Variants in PAQR5 observed in about 807,000 individuals in gnomAD.
The protein encoded by PAQR5 is membrane progestin receptor gamma.
PAQR5 carries 20 observed loss-of-function variants against 34.5 expected under a neutral mutation model. That is an observed-to-expected ratio of 0.58 (90% CI 0.41 to 0.84). The LOEUF (loss-of-function observed/expected upper bound fraction) is 0.84. Among genes scored for constraint, PAQR5 ranks in the 40% least tolerant of loss-of-function variants. The pLI, the probability that PAQR5 is intolerant of heterozygous loss-of-function variation, is 0.00. For synonymous variants in PAQR5, 131 were observed against 155.6 expected (o/e 0.84, Z 1.18); for missense variants, 378 against 412.7 (o/e 0.92, Z 0.73).
At chr15:69,306,372 T>TACCATTTAACCTTTA (rs2140523637) in intron 1 of PAQR5, among the ~76,000 whole-genome samples, 1 of 152,024 alleles carries the variant, frequency 6.6e-6, no homozygotes, top group East Asian at 1.9e-4. Flanking sequence ...CTTTAACCTT[T>TACCATTTAACCTTTA]ACCATTTAAC....
chr15:69,351,538 G>A (rs1232501758), intron 2 of PAQR5, among the ~76,000 whole-genome samples: 1 of 152,198 alleles, frequency 6.6e-6, no homozygotes, highest in Non-Finnish European at 1.5e-5. Context: ...AGCTGGCAAG[G>A]CCAACAATAC....
Position 69,337,313 on chromosome 15 carries a change from A to T in PAQR5, c.-276-28A>T, listed in dbSNP as rs187881838. 6.2e-4 allele frequency: 94 copies of T among 152,378 alleles called. 1 individual carries two copies. Among genetic ancestry groups the T allele is most frequent in the African/African-American group, 2.2e-3 (92 of 41,588 alleles). The allele number at this position is 152,378 out of a possible 1,614,324, so 9.4% of individuals were successfully genotyped here. On this transcript the variant is annotated intron_variant, in intron 1 of 8. Transcript: ENST00000395407. ...GCAGTATAGTTAATTACATAAGTGC[A>T]ATAAGAATCTGTTTTCTTTTGTCAC...
intron 5 of PAQR5, among the ~76,000 whole-genome samples, chr15:69,387,794 T>C (rs952786975): frequency 6.6e-6 from 1 of 152,118 alleles, no homozygotes; most frequent in Non-Finnish European, 1.5e-5. Context: ...CCCTTCTCTG[T>C]ATCCTCCCAT....
chr15:69,384,910 T>C, intron 5 of PAQR5, 28 bp downstream of exon 5: 1 of 1,579,334 alleles, frequency 6.3e-7, no homozygotes, highest in Non-Finnish European at 8.7e-7. Context: ...CTTGCTTTCC[T>C]TCCCCTGCAA....
rs112491664 is a variant in PAQR5 at position 69,403,889 on chromosome 15, G to A, written c.*67G>A. On this transcript the variant is annotated 3_prime_UTR_variant, in exon 9 of 9. Coordinates refer to ENST00000395407, the MANE Select transcript of PAQR5 (RefSeq NM_017705.4). ...TGCAACATCCTAACCACCATAAGCC[G>A]GAGGTGGTTACAGCTTATCATGGCC... 20 of 1,553,012 alleles carry A rather than the reference G, an allele frequency of 1.3e-5. No homozygotes were observed. The highest frequency in any genetic ancestry group is 6.8e-5 in the African/African-American group (5 of 73,308).
chr15:69,353,467 G>A (rs564636422), intron 2 of PAQR5, among the ~76,000 whole-genome samples: 1 of 152,328 alleles, frequency 6.6e-6, no homozygotes, highest in Non-Finnish European at 1.5e-5. Context: ...ATGGGCCCAT[G>A]CTCATGGAAT....
chr15:69,393,285 C>G (rs2056322011), intron 6 of PAQR5, among the ~76,000 whole-genome samples: 1 of 152,164 alleles, frequency 6.6e-6, no homozygotes, highest in South Asian at 2.1e-4. Context: ...CATTCCCTGT[C>G]TCTGCCTTTG....
intron 3 of PAQR5, chr15:69,379,474 C>A (rs1355741453): frequency 1.0e-6 from 1 of 985,382 alleles, no homozygotes; most frequent in African/African-American, 1.7e-5. Flanking sequence ...TCCCACCAGC[C>A]CCTGACATGC....
intron 2 of PAQR5, among the ~76,000 whole-genome samples, chr15:69,357,314 A>G (rs1028901639): frequency 1.1e-4 from 16 of 151,898 alleles, no homozygotes; most frequent in Non-Finnish European, 1.8e-4. Flanking sequence ...TCCAGGCTGG[A>G]GTGTAGTGGT....
intron 2 of PAQR5, among the ~76,000 whole-genome samples, chr15:69,351,677 G>A (rs1184508366): frequency 6.6e-6 from 1 of 152,194 alleles, no homozygotes; most frequent in Admixed American, 6.5e-5. Flanking sequence ...ATGGTGTTAT[G>A]CTGATTGGAC....
chr15:69,360,429 C>T (rs1039918475), intron 3 of PAQR5, among the ~76,000 whole-genome samples: 1 of 152,206 alleles, frequency 6.6e-6, no homozygotes, highest in Admixed American at 6.5e-5. Flanking sequence ...CAGCAGCTGG[C>T]TGGGTAGGAA....
intron 1 of PAQR5, among the ~76,000 whole-genome samples, chr15:69,333,408 G>A (rs1373981412): frequency 6.6e-6 from 1 of 152,154 alleles, no homozygotes; most frequent in African/African-American, 2.4e-5. Flanking sequence ...TAATAACTAG[G>A]TAGGAAATAT....
At chr15:69,318,027 C>T (rs918849363) in intron 1 of PAQR5, among the ~76,000 whole-genome samples, 1 of 152,220 alleles carries the variant, frequency 6.6e-6, no homozygotes, top group Non-Finnish European at 1.5e-5. Flanking sequence ...CTCTGAACTT[C>T]GCCGAGCCAC....
intron 3 of PAQR5, among the ~76,000 whole-genome samples, chr15:69,373,690 G>T (rs908803589): frequency 5.3e-5 from 8 of 152,224 alleles, no homozygotes; most frequent in African/African-American, 1.9e-4. Context: ...TGCAACCTCT[G>T]CCTCCCAGGT....
chr15:69,358,865 C>T (rs1364504380), intron 2 of PAQR5, among the ~76,000 whole-genome samples: 1 of 151,488 alleles, frequency 6.6e-6, no homozygotes, highest in African/African-American at 2.4e-5. Context: ...ATCGTCCCAT[C>T]TCAGTCTCCC....
chr15:69,319,168 T>TTTAA (rs1279510066), intron 1 of PAQR5, among the ~76,000 whole-genome samples: 1,746 of 136,580 alleles, frequency 0.013, 91 homozygotes, highest in African/African-American at 0.048. Context: ...CATATATATA[T>TTTAA]ATATATATAT....
chr15:69,397,448 A>C lies in PAQR5; in HGVS notation c.513-20A>C. On this transcript the variant is annotated intron_variant, in intron 6 of 8. Coordinates refer to ENST00000395407, the MANE Select transcript of PAQR5 (RefSeq NM_017705.4). Reference sequence around the variant, plus strand: ...ACTCTTTTCATTCCATTTCCTCCCCACTTTCCTTCCCTGATTTAGGTTTCT... The same window carrying C: ...ACTCTTTTCATTCCATTTCCTCCCCCCTTTCCTTCCCTGATTTAGGTTTCT... 6.5e-7 allele frequency: 1 copy of C among 1,545,872 alleles called. No homozygotes were observed. The highest frequency in any genetic ancestry group is 8.9e-7 in the Non-Finnish European group (1 of 1,117,748).
At chr15:69,389,856 C>G (rs909297783) in intron 6 of PAQR5, 76 bp downstream of exon 6, 1 of 1,532,276 alleles carries the variant, frequency 6.5e-7, no homozygotes, top group Non-Finnish European at 8.9e-7. Context: ...TTGAGGGAGC[C>G]GGGGAAGAGG....
intron 2 of PAQR5, among the ~76,000 whole-genome samples, chr15:69,346,626 T>G (rs933198229): frequency 6.6e-6 from 1 of 150,578 alleles, no homozygotes; most frequent in African/African-American, 2.4e-5. Flanking sequence ...CTGCAATTTT[T>G]TTTTTTTTTT....
Sources: allele counts gnomAD v4.1 joint callset (sites outside exome capture counted in the v4.1 genomes callset), GRCh38; gene constraint gnomAD v4.1.1; transcripts MANE v1.5; gene names NCBI Gene and HGNC (gene_info 2026-07-23, HGNC 2026-07-21).